The following IL1RAPL2 variants were observed in gnomAD, a reference collection of about 807,000 sequenced individuals.
The protein encoded by IL1RAPL2 is X-linked interleukin-1 receptor accessory protein-like 2.
In IL1RAPL2, 3 loss-of-function variants were observed where a neutral mutation model predicts 44.1. That is an observed-to-expected ratio of 0.07 (90% CI 0.03 to 0.18). The LOEUF (loss-of-function observed/expected upper bound fraction) is 0.18, where lower values mean the gene tolerates loss of function less well. Among genes scored for constraint, IL1RAPL2 ranks in the 10% least tolerant of loss-of-function variants. IL1RAPL2 has a pLI of 1.00. For synonymous variants in IL1RAPL2, 181 were observed against 178.8 expected (o/e 1.01, Z -0.10); for missense variants, 391 against 496.4 (o/e 0.79, Z 2.02).
intron 5 of IL1RAPL2, among the ~76,000 whole-genome samples, chrX:105,437,596 G>A (rs12392726): frequency 0.029 from 3,260 of 110,975 alleles, 129 homozygotes; most frequent in African/African-American, 0.1. Flanking sequence ...TCTATGTCAG[G>A]TGTACTAGAA....
At chrX:104,955,947 A>G (rs913989185) in intron 2 of IL1RAPL2, among the ~76,000 whole-genome samples, 1 of 112,241 alleles carries the variant, frequency 8.9e-6, no homozygotes, top group Non-Finnish European at 1.9e-5. Flanking sequence ...ATTTGTTTTG[A>G]AATGTACCCA....
rs1360886042 is a variant in IL1RAPL2, at chrX:104,907,404, A to G, written c.82+248409A>G. 2.8e-3 allele frequency among the ~76,000 whole-genome samples: 302 copies of G among 109,618 alleles called. 1 individual carries two copies. Among genetic ancestry groups the G allele is most frequent in the African/African-American group, 9.4e-3 (285 of 30,266 alleles). On this transcript the variant is annotated intron_variant, in intron 2 of 10. Transcript: ENST00000372582. Reference sequence around the variant, plus strand: ...TTTTAATTGTGATGTTAGGGTGTCAATTTTGGATCTTTCCTGCTTTCTCTT... The same window carrying G: ...TTTTAATTGTGATGTTAGGGTGTCAGTTTTGGATCTTTCCTGCTTTCTCTT...
intron 6 of IL1RAPL2, among the ~76,000 whole-genome samples, chrX:105,640,962 G>A (rs2037565871): frequency 9.3e-6 from 1 of 107,998 alleles, no homozygotes; most frequent in African/African-American, 3.4e-5. Context: ...GTCCTAATTG[G>A]GTAGTTCTTT....
At chrX:104,885,136 C>T (rs1438989547) in intron 2 of IL1RAPL2, among the ~76,000 whole-genome samples, 2 of 111,805 alleles carry the variant, frequency 1.8e-5, no homozygotes, top group Non-Finnish European at 3.8e-5. Context: ...TAAGATCAAA[C>T]CCTGGCCTTT....
intron 6 of IL1RAPL2, among the ~76,000 whole-genome samples, chrX:105,505,181 G>C (rs186830497): frequency 1.3e-3 from 148 of 110,783 alleles, no homozygotes; most frequent in African/African-American, 4.6e-3. Context: ...TACTTCATAC[G>C]CACAGATAAT....
In IL1RAPL2 at chrX:105,325,541, T is replaced by TTATATATATATA. The variant is rs3035842; in HGVS notation, c.697+58025_697+58036dup. Among the ~76,000 whole-genome samples the TTATATATATATA allele has an allele frequency of 4.9e-3, 372 of 75,975 alleles. 6 individuals are homozygous for TTATATATATATA. Among genetic ancestry groups the TTATATATATATA allele is most frequent in the African/African-American group, 0.023 (329 of 14,256 alleles). The allele number at this position is 75,975 out of a possible 115,157, so 66.0% of individuals were successfully genotyped here. ...TGTTTTCATTTTATCTCTCTTGGTT[T>TTATATATATATA]TATATATATATATATATATATATAT... On this transcript the variant is annotated intron_variant, in intron 5 of 10. Coordinates refer to ENST00000372582, the MANE Select transcript of IL1RAPL2 (RefSeq NM_017416.2).
At chrX:105,489,730 T>TTC (rs747133937) in intron 6 of IL1RAPL2, among the ~76,000 whole-genome samples, 13 of 100,374 alleles carry the variant, frequency 1.3e-4, no homozygotes, top group Admixed American at 7.5e-4. Flanking sequence ...CCTTCTTTCT[T>TTC]TCTCTCTCTC....
At chrX:105,124,257 G>A (rs2077962490) in intron 2 of IL1RAPL2, among the ~76,000 whole-genome samples, 1 of 110,079 alleles carries the variant, frequency 9.1e-6, no homozygotes, top group Non-Finnish European at 1.9e-5. Context: ...ACTTTGTGAT[G>A]GGGGGTTAGA....
intron 2 of IL1RAPL2, among the ~76,000 whole-genome samples, chrX:104,859,055 G>T (rs985316025): frequency 3.6e-5 from 4 of 111,622 alleles, no homozygotes; most frequent in Non-Finnish European, 7.6e-5. Flanking sequence ...TTCCATTGAG[G>T]TTTTGTTCAA....
At chrX:104,621,380 G>A (rs895828963) in intron 1 of IL1RAPL2, among the ~76,000 whole-genome samples, 2 of 109,514 alleles carry the variant, frequency 1.8e-5, no homozygotes, top group African/African-American at 6.7e-5. Flanking sequence ...GGTAGGAGGA[G>A]AGCTGGCATC....
intron 5 of IL1RAPL2, among the ~76,000 whole-genome samples, chrX:105,323,181 T>TAAA (rs1452062802): frequency 8.9e-6 from 1 of 112,591 alleles, no homozygotes; most frequent in Non-Finnish European, 1.9e-5. Flanking sequence ...ATGTGGTGTT[T>TAAA]ATTGAGATGA....
chrX:105,445,042 G>T (rs1253560745), intron 5 of IL1RAPL2, among the ~76,000 whole-genome samples: 2 of 111,806 alleles, frequency 1.8e-5, no homozygotes, highest in Admixed American at 1.9e-4. Context: ...TTTTCTGGGA[G>T]ACTTTCTATT....
At chrX:104,856,951 C>T (rs1922381806) in intron 2 of IL1RAPL2, among the ~76,000 whole-genome samples, 1 of 112,220 alleles carries the variant, frequency 8.9e-6, no homozygotes, top group Admixed American at 9.4e-5. Flanking sequence ...TATTTCTAAA[C>T]AATTCTGCCA....
chrX:105,675,172 G>T (rs909451804), intron 6 of IL1RAPL2, among the ~76,000 whole-genome samples: 8 of 111,100 alleles, frequency 7.2e-5, no homozygotes, highest in African/African-American at 2.6e-4. Flanking sequence ...CTGCCTGGTT[G>T]CCTGGCCAGA....
chrX:105,021,723 A>T (rs1002130887), intron 2 of IL1RAPL2, among the ~76,000 whole-genome samples: 1 of 111,704 alleles, frequency 9.0e-6, no homozygotes, highest in African/African-American at 3.2e-5. Flanking sequence ...TATGACTAGG[A>T]TTGGACTGCC....
intron 5 of IL1RAPL2, among the ~76,000 whole-genome samples, chrX:105,370,671 A>C (rs2035332051): frequency 8.9e-6 from 1 of 112,194 alleles, no homozygotes. Context: ...TCTTGTGAAC[A>C]GTGCTGCAAT....
intron 5 of IL1RAPL2, among the ~76,000 whole-genome samples, chrX:105,450,907 A>AGTGT (rs747929543): frequency 0.099 from 9,327 of 94,035 alleles, 1,240 homozygotes; most frequent in African/African-American, 0.33. Context: ...CTTAGGTCCG[A>AGTGT]GTGTGTGTGT....
At chrX:105,464,588 C>A (rs1454218896) in intron 5 of IL1RAPL2, among the ~76,000 whole-genome samples, 4 of 111,685 alleles carry the variant, frequency 3.6e-5, no homozygotes, top group African/African-American at 1.3e-4. Flanking sequence ...ATTTAAGAAA[C>A]ATTAGTAAAA....
chrX:105,491,472 C>A (rs1219889979), intron 6 of IL1RAPL2, among the ~76,000 whole-genome samples: 1 of 111,588 alleles, frequency 9.0e-6, no homozygotes, highest in African/African-American at 3.3e-5. Flanking sequence ...CAAATAACTC[C>A]TTAAAAACTT....
Sources: allele counts gnomAD v4.1 joint callset (sites outside exome capture counted in the v4.1 genomes callset), GRCh38; gene constraint gnomAD v4.1.1; transcripts MANE v1.5; gene names NCBI Gene and HGNC (gene_info 2026-07-23, HGNC 2026-07-21).